GPHN: variants seen among roughly 807,000 people sequenced by gnomAD.
GPHN encodes the protein gephyrin.
In GPHN, 17 loss-of-function variants were observed where a neutral mutation model predicts 95.5. The ratio of observed to expected loss-of-function variants is 0.18; its 90% CI spans 0.12 to 0.27. The LOEUF (loss-of-function observed/expected upper bound fraction) is 0.27, where lower values mean the gene tolerates loss of function less well. Among genes scored for constraint, GPHN ranks in the 10% least tolerant of loss-of-function variants. GPHN has a pLI of 1.00. For missense variants in GPHN, 660 were observed against 978.1 expected, an observed-to-expected ratio of 0.67 and a Z score of 4.34; for synonymous variants, 320 against 322.5, an observed-to-expected ratio of 0.99 and a Z score of 0.08.
intron 3 of GPHN, among the ~76,000 whole-genome samples, chr14:66,815,929 G>A (rs2060946563): frequency 6.6e-6 from 1 of 151,882 alleles, no homozygotes; most frequent in Non-Finnish European, 1.5e-5. Context: ...CATATACAAT[G>A]GCATACACTG....
intron 4 of GPHN, among the ~76,000 whole-genome samples, chr14:66,862,941 C>T (rs1382255344): frequency 1.3e-5 from 2 of 151,998 alleles, no homozygotes; most frequent in East Asian, 3.9e-4. Flanking sequence ...ACTGTCAGCA[C>T]TATTATTCAG....
chr14:67,465,063 G>C, the GPHN span, among the ~76,000 whole-genome samples: 2 of 152,196 alleles, frequency 1.3e-5, no homozygotes. Flanking sequence ...GGGAGGTCCT[G>C]GTGCACAGCA....
At chr14:66,608,431 T>A (rs2062641359) in intron 1 of GPHN, among the ~76,000 whole-genome samples, 1 of 152,090 alleles carries the variant, frequency 6.6e-6, no homozygotes, top group Non-Finnish European at 1.5e-5. Flanking sequence ...AGAATATGTT[T>A]CTTATGCAGA....
At chr14:66,866,439 G>A (rs992106602) in intron 4 of GPHN, among the ~76,000 whole-genome samples, 6 of 152,008 alleles carry the variant, frequency 3.9e-5, no homozygotes, top group South Asian at 2.1e-4. Context: ...ATGAAGATAC[G>A]TATTCTCATG....
intron 10 of GPHN, among the ~76,000 whole-genome samples, chr14:67,031,344 A>G (rs2074187635): frequency 6.6e-6 from 1 of 152,086 alleles, no homozygotes; most frequent in South Asian, 2.1e-4. Flanking sequence ...TTAGAAAAAA[A>G]TTTCTGTTTA....
At chr14:67,244,561 A>G in the GPHN span, among the ~76,000 whole-genome samples, 2 of 152,348 alleles carry the variant, frequency 1.3e-5, no homozygotes, top group East Asian at 1.9e-4. Flanking sequence ...TGCAACTACC[A>G]CAATCAAGGT....
chr14:67,119,717 G>A (rs1039011448), intron 16 of GPHN, among the ~76,000 whole-genome samples: 1 of 152,188 alleles, frequency 6.6e-6, no homozygotes, highest in Non-Finnish European at 1.5e-5. Context: ...TTGAACCCAC[G>A]AGGCAGAGGT....
At chr14:67,601,593 T>C in the GPHN span, among the ~76,000 whole-genome samples, 5 of 151,508 alleles carry the variant, frequency 3.3e-5, no homozygotes, top group African/African-American at 7.2e-5. Context: ...CAGGAGTGGC[T>C]ATGTGGACTG....
the GPHN span, among the ~76,000 whole-genome samples, chr14:67,701,723 A>G: frequency 2.0e-5 from 3 of 152,010 alleles, no homozygotes; most frequent in African/African-American, 7.2e-5. Flanking sequence ...CGCCAGGCCT[A>G]TTATGATTTC....
chr14:66,725,809 A>G (rs1179617093), intron 2 of GPHN, among the ~76,000 whole-genome samples: 3 of 152,194 alleles, frequency 2.0e-5, no homozygotes, highest in Non-Finnish European at 4.4e-5. Context: ...TAACAAGAAA[A>G]TATTTCTGTT....
chr14:67,520,707 C>T, the GPHN span, among the ~76,000 whole-genome samples: 1 of 151,544 alleles, frequency 6.6e-6, no homozygotes, highest in Non-Finnish European at 1.5e-5. Flanking sequence ...AGTTTATTTA[C>T]CCATCACCTA....
the GPHN span, among the ~76,000 whole-genome samples, chr14:67,423,225 A>G: frequency 6.6e-6 from 1 of 152,104 alleles, no homozygotes; most frequent in Non-Finnish European, 1.5e-5. Context: ...AAGGGCCAAA[A>G]AGGGGTTGGG....
At chr14:66,659,601 T>C (rs2065519199) in intron 1 of GPHN, among the ~76,000 whole-genome samples, 1 of 152,092 alleles carries the variant, frequency 6.6e-6, no homozygotes, top group Non-Finnish European at 1.5e-5. Flanking sequence ...TGCAGCTTTG[T>C]TGTTTGTTAT....
At chr14:67,179,711 T>C (rs1230315565) in intron 22 of GPHN, 37 bp downstream of exon 22, 4 of 1,019,326 alleles carry the variant, frequency 3.9e-6, no homozygotes, top group African/African-American at 1.6e-5. Flanking sequence ...CCTAGACACC[T>C]ATCCTGTTAA....
At chr14:67,569,005 A>C in the GPHN span, 1 of 606,952 alleles carries the variant, frequency 1.6e-6, no homozygotes. Flanking sequence ...TAACTTGCCC[A>C]AGATTTGTTA....
chr14:66,942,545 C>A (rs898463782), intron 8 of GPHN, among the ~76,000 whole-genome samples: 1 of 152,150 alleles, frequency 6.6e-6, no homozygotes, highest in Non-Finnish European at 1.5e-5. Context: ...GTTAGAATCA[C>A]CATTGACAGA....
chr14:66,550,853 TTTG>T (rs1020408459), intron 1 of GPHN, among the ~76,000 whole-genome samples: 3 of 151,976 alleles, frequency 2.0e-5, no homozygotes, highest in Non-Finnish European at 4.4e-5. Flanking sequence ...AAGGTTTTTT[TTTG>T]TTGTTGTTGT....
At chr14:66,841,512 T>A (rs2062086460) in intron 4 of GPHN, among the ~76,000 whole-genome samples, 1 of 152,206 alleles carries the variant, frequency 6.6e-6, no homozygotes, top group Non-Finnish European at 1.5e-5. Context: ...GAGAAGTAGA[T>A]TACTGATATA....
chr14:66,662,850 A>G lies in GPHN; in HGVS notation c.65-18257A>G, dbSNP rs115148991. ...TGTAATTCCAAGTATTAATAGCAGAATAGACCAAGTGGAGGAAAGAATCCC... is the reference window on the plus strand; with the variant it reads ...TGTAATTCCAAGTATTAATAGCAGAGTAGACCAAGTGGAGGAAAGAATCCC... On this transcript the variant is annotated intron_variant, in intron 1 of 22. Coordinates refer to ENST00000478722, the MANE Select transcript of GPHN (RefSeq NM_020806.5). Among the ~76,000 whole-genome samples, 454 of 152,344 alleles carry G rather than the reference A, an allele frequency of 3.0e-3. 2 individuals carry two copies. The highest frequency in any genetic ancestry group is 0.01 in the African/African-American group (436 of 41,576).
Sources: gnomAD v4.1 joint callset for allele counts (sites outside exome capture counted in the v4.1 genomes callset) on GRCh38, gnomAD v4.1.1 for gene constraint, MANE v1.5 for transcripts, NCBI Gene and HGNC (gene_info 2026-07-23, HGNC 2026-07-21) for gene names.